The following LAMA1 variants were observed in gnomAD, a reference collection of about 807,000 sequenced individuals.
LAMA1 encodes the protein laminin subunit alpha 1.
A neutral mutation model predicts 348.7 loss-of-function variants in LAMA1; 219 were observed. The observed-to-expected ratio is 0.63, with a 90% CI of 0.56 to 0.70. The LOEUF (loss-of-function observed/expected upper bound fraction) is 0.70. Among genes scored for constraint, LAMA1 ranks in the 30% least tolerant of loss-of-function variants. The pLI is 0.00. For missense variants in LAMA1, 3,744 were observed against 3,888.0 expected (o/e 0.96, Z 0.99); for synonymous variants, 1,487 against 1,491.0 (o/e 1.00, Z 0.06).
At chr18:6,971,549 G>T (rs559367554) in intron 48 of LAMA1, among the ~76,000 whole-genome samples, 1 of 152,130 alleles carries the variant, frequency 6.6e-6, no homozygotes, top group African/African-American at 2.4e-5. Flanking sequence ...AGGAAAAAGA[G>T]CACTTCTTTT....
At position 6,982,482 on chromosome 18, in the gene LAMA1, G is replaced by A. The variant is rs1489778919; in HGVS notation, c.5890+15C>T. The A allele has an allele frequency of 5.0e-6, 8 of 1,611,534 alleles. No individual in the cohort carries two copies. Among genetic ancestry groups the A allele is most frequent in the East Asian group, 2.2e-5 (1 of 44,862 alleles). ...CTCACTCTGCCTGTCTACACCGTCC[G>A]AGCCACATACTGACCTGGAAGCTTC... On this transcript the variant is annotated intron_variant, in intron 41 of 62. Coordinates refer to ENST00000389658, the MANE Select transcript of LAMA1 (RefSeq NM_005559.4).
At chr18:7,099,491 C>CA (rs71165722) in intron 1 of LAMA1, among the ~76,000 whole-genome samples, 38,897 of 144,036 alleles carry the variant, frequency 0.27, 5,294 homozygotes, top group South Asian at 0.34. Context: ...TAAAAAAAAA[C>CA]AAAAAAAAAA....
chr18:7,044,588 C>G (rs2058034234), intron 7 of LAMA1, 134 bp downstream of exon 7: 2 of 804,206 alleles, frequency 2.5e-6, no homozygotes, highest in Admixed American at 1.7e-5. Context: ...TTAAGGTCAT[C>G]TGCAGCTTTG....
At chr18:6,971,422 T>TA (rs888480015) in intron 48 of LAMA1, among the ~76,000 whole-genome samples, 1 of 152,158 alleles carries the variant, frequency 6.6e-6, no homozygotes, top group Non-Finnish European at 1.5e-5. Context: ...ATTTTCAAAA[T>TA]AAAAATGTAC....
chr18:6,997,191 G>C (rs930470149), intron 33 of LAMA1, among the ~76,000 whole-genome samples: 2 of 151,964 alleles, frequency 1.3e-5, no homozygotes, highest in Non-Finnish European at 2.9e-5. Context: ...AGCCTCCCAG[G>C]TAGCTGGGAC....
intron 48 of LAMA1, among the ~76,000 whole-genome samples, chr18:6,967,192 A>G (rs1304556371): frequency 2.0e-5 from 3 of 152,198 alleles, no homozygotes; most frequent in East Asian, 3.8e-4. Context: ...GCTTTGTGAA[A>G]CCTGAGGTTT....
chr18:7,099,522 C>T (rs943771631), intron 1 of LAMA1, among the ~76,000 whole-genome samples: 1 of 151,370 alleles, frequency 6.6e-6, no homozygotes, highest in African/African-American at 2.4e-5. Context: ...ACCCTGACTC[C>T]TTACCATACA....
chr18:7,068,685 T>TGA (rs1200247177), intron 3 of LAMA1, among the ~76,000 whole-genome samples: 1 of 152,164 alleles, frequency 6.6e-6, no homozygotes, highest in Admixed American at 6.5e-5. Flanking sequence ...AGAGATATTC[T>TGA]GAGACCTAGC....
Position 6,959,511 on chromosome 18 carries a change from G to T in LAMA1, c.7627-19C>A. On this transcript the variant is annotated intron_variant, in intron 53 of 62. Coordinates refer to ENST00000389658, the MANE Select transcript of LAMA1 (RefSeq NM_005559.4). ...AGAAGGGCTGGGGAGGTTGCATAGAGAATTTCCCAGACAAAACACATTACT... is the reference window on the plus strand; with the variant it reads ...AGAAGGGCTGGGGAGGTTGCATAGATAATTTCCCAGACAAAACACATTACT... The T allele has an allele frequency of 1.2e-6, 2 of 1,613,770 alleles. No homozygotes were observed. The highest frequency in any genetic ancestry group is 2.7e-5 in the African/African-American group (2 of 75,036).
chr18:7,041,068 G>A (rs1213829974), intron 9 of LAMA1, among the ~76,000 whole-genome samples: 2 of 152,100 alleles, frequency 1.3e-5, no homozygotes, highest in Non-Finnish European at 1.5e-5. Flanking sequence ...CTTAGATTGT[G>A]GTGATGGTTG....
intron 3 of LAMA1, among the ~76,000 whole-genome samples, chr18:7,068,196 C>T (rs889289521): frequency 6.6e-6 from 1 of 152,096 alleles, no homozygotes; most frequent in Non-Finnish European, 1.5e-5. Context: ...CTGAAGTGTT[C>T]TCTGTGCACC....
At position 6,982,599 on chromosome 18, in the gene LAMA1, C is replaced by T. The variant is rs770273271; in HGVS notation, c.5797-9G>A. 8.7e-6 allele frequency: 14 copies of T among 1,613,056 alleles called. No individual in the cohort carries two copies. Among genetic ancestry groups the T allele is most frequent in the African/African-American group, 4.0e-5 (3 of 74,894 alleles). On this transcript the variant is annotated splice_polypyrimidine_tract_variant and intron_variant, in intron 40 of 62. Coordinates refer to ENST00000389658, the MANE Select transcript of LAMA1 (RefSeq NM_005559.4). The stretch of plus-strand genomic sequence containing the variant: ...ACAAGGGATTCTGAGAGCTGGAAAA[C>T]AGAACCACTTAAGCGTGGTGAGAGC...
At chr18:7,042,915 A>C (rs1277879710) in intron 8 of LAMA1, 1 of 310,136 alleles carries the variant, frequency 3.2e-6, no homozygotes, top group African/African-American at 2.2e-5. Context: ...AGATTGGCTG[A>C]ACATCTCCTA....
chr18:7,090,789 C>G (rs560770599), intron 1 of LAMA1, among the ~76,000 whole-genome samples: 3 of 152,138 alleles, frequency 2.0e-5, no homozygotes, highest in Non-Finnish European at 2.9e-5. Flanking sequence ...CAAATCCAAA[C>G]TCCTGGGAGT....
intron 48 of LAMA1, among the ~76,000 whole-genome samples, chr18:6,969,289 T>G (rs1198876591): frequency 3.3e-5 from 5 of 152,126 alleles, no homozygotes; most frequent in African/African-American, 9.7e-5. Context: ...TCCACCTGCC[T>G]TGGCCTCCCA....
chr18:6,993,186 T>C (rs2057766180), intron 35 of LAMA1, among the ~76,000 whole-genome samples: 1 of 152,130 alleles, frequency 6.6e-6, no homozygotes, highest in Non-Finnish European at 1.5e-5. Context: ...TACACTATAA[T>C]ATAAAAAGAA....
chr18:6,948,036 C>G (rs576430612), intron 60 of LAMA1, among the ~76,000 whole-genome samples: 1 of 152,330 alleles, frequency 6.6e-6, no homozygotes, highest in Admixed American at 6.5e-5. Flanking sequence ...TTCTGCACAG[C>G]CTCCCTGGCG....
At chr18:7,000,845 A>C (rs1236280954) in intron 30 of LAMA1, among the ~76,000 whole-genome samples, 1 of 152,216 alleles carries the variant, frequency 6.6e-6, no homozygotes, top group African/African-American at 2.4e-5. Context: ...TAAAATAGTA[A>C]AGGGATAGAC....
chr18:7,109,376 T>C (rs914359036), intron 1 of LAMA1, among the ~76,000 whole-genome samples: 1 of 152,234 alleles, frequency 6.6e-6, no homozygotes, highest in Non-Finnish European at 1.5e-5. Flanking sequence ...GAAACAGAAA[T>C]GTCCCTTCTT....
Sources: allele counts gnomAD v4.1 joint callset (sites outside exome capture counted in the v4.1 genomes callset), GRCh38; gene constraint gnomAD v4.1.1; transcripts MANE v1.5; gene names NCBI Gene and HGNC (gene_info 2026-07-23, HGNC 2026-07-21).